Variants in RSPRY1 observed in about 807,000 individuals in gnomAD.
RSPRY1 encodes ring finger and SPRY domain containing 1, also known as RING finger and SPRY domain-containing protein 1.
In RSPRY1, 23 loss-of-function variants were observed where a neutral mutation model predicts 73.1. The ratio of observed to expected loss-of-function variants is 0.31; its 90% CI spans 0.23 to 0.45. RSPRY1 has a LOEUF of 0.45. Ranked by LOEUF, RSPRY1 falls within the 20% of genes least tolerant of loss-of-function variation. RSPRY1 has a pLI of 1.00. For missense variants in RSPRY1, 448 were observed against 698.7 expected (o/e 0.64, Z 4.05); for synonymous variants, 226 against 251.4 (o/e 0.90, Z 0.95).
chr16:57,207,616 C>T (rs1315371774), intron 2 of RSPRY1: 2 of 456,408 alleles, frequency 4.4e-6, no homozygotes, highest in South Asian at 1.5e-5. Flanking sequence ...AATGAAGATG[C>T]GTATATAGGC....
chr16:57,201,214 G>A lies in RSPRY1; in HGVS notation c.-155-3290G>A, dbSNP rs370722558. On this transcript the variant is annotated intron_variant, in intron 1 of 14. Transcript: ENST00000394420. ...TCACTTCTCAGACGGTGTGGCTGCC[G>A]GGCGGAGGGGCTCCTCACTTCTCAG... 7.3e-3 allele frequency among the ~76,000 whole-genome samples: 938 copies of A among 128,146 alleles called. 2 individuals are homozygous for A. The highest frequency in any genetic ancestry group is 0.025 in the East Asian group (82 of 3,244). The allele number at this position is 128,146 out of a possible 152,430, so 84.1% of individuals were successfully genotyped here. A position where few individuals can be genotyped will look rare whatever the true frequency, so the allele number is the denominator to read the frequency against.
rs1240043554 is a variant in RSPRY1 at position 57,189,578 on chromosome 16, TTTTTC to T, written c.-156+3142_-156+3146del. Among the ~76,000 whole-genome samples, 97 of 145,574 alleles carry T rather than the reference TTTTTC, an allele frequency of 6.7e-4. 3 individuals are homozygous for T. Among genetic ancestry groups the T allele is most frequent in the South Asian group, 5.2e-3 (24 of 4,590 alleles). On this transcript the variant is annotated intron_variant, in intron 1 of 14. Transcript: ENST00000394420. ...TGTATTTCTTTTTTTCTGTTTTTTCTTTTTCTTTTCTTTTCTTTTTTTTTTTTTTT... is the reference window on the plus strand; with the variant it reads ...TGTATTTCTTTTTTTCTGTTTTTTCTTTTTCTTTTCTTTTTTTTTTTTTTT...
chr16:57,191,724 G>A (rs2074355455), intron 1 of RSPRY1, among the ~76,000 whole-genome samples: 6 of 152,110 alleles, frequency 3.9e-5, no homozygotes. Flanking sequence ...TATAATGTAA[G>A]ACATAAATGT....
At chr16:57,223,080 C>T (rs1276950489) in intron 10 of RSPRY1, among the ~76,000 whole-genome samples, 1 of 152,178 alleles carries the variant, frequency 6.6e-6, no homozygotes, top group East Asian at 1.9e-4. Flanking sequence ...AGGTGATTCC[C>T]TATTAGAAAT....
chr16:57,216,229 T>A, intron 7 of RSPRY1, 56 bp downstream of exon 7: 1 of 1,314,670 alleles, frequency 7.6e-7, no homozygotes, highest in South Asian at 1.2e-5. Context: ...TTAAAAATTT[T>A]ATTTTTCTTA....
chr16:57,213,397 ATATG>A (rs760479296), intron 5 of RSPRY1, among the ~76,000 whole-genome samples: 4 of 152,232 alleles, frequency 2.6e-5, no homozygotes, highest in Non-Finnish European at 2.9e-5. Context: ...CATAACAAAG[ATATG>A]TATGTGTGTA....
intron 14 of RSPRY1, among the ~76,000 whole-genome samples, chr16:57,237,902 G>A (rs960621373): frequency 5.9e-5 from 9 of 151,868 alleles, no homozygotes; most frequent in African/African-American, 1.9e-4. Context: ...TAGTAGAGAC[G>A]GGGTTTCACC....
intron 8 of RSPRY1, among the ~76,000 whole-genome samples, chr16:57,217,254 C>G (rs2074956800): frequency 6.6e-6 from 1 of 152,142 alleles, no homozygotes; most frequent in Admixed American, 6.5e-5. Flanking sequence ...GTTCAAAAAC[C>G]TTTACTGGCA....
chr16:57,210,832 C>T (rs190509992), intron 4 of RSPRY1, among the ~76,000 whole-genome samples: 23 of 151,606 alleles, frequency 1.5e-4, no homozygotes, highest in Admixed American at 8.5e-4. Context: ...AGCCTGGCAA[C>T]ATGGTGAAAC....
intron 13 of RSPRY1, among the ~76,000 whole-genome samples, chr16:57,234,115 C>G (rs55960976): frequency 0.069 from 10,495 of 152,192 alleles, 407 homozygotes; most frequent in Middle Eastern, 0.095. Flanking sequence ...ATTTCCTACC[C>G]TCTCCCGTTT....
chr16:57,238,600 C>G (rs1385941622), intron 14 of RSPRY1, among the ~76,000 whole-genome samples: 1 of 152,174 alleles, frequency 6.6e-6, no homozygotes, highest in Non-Finnish European at 1.5e-5. Flanking sequence ...AATATTATAT[C>G]CCTACCTATA....
In RSPRY1 at chr16:57,224,720, G is replaced by A. The variant is rs529728442; in HGVS notation, c.1162-2622G>A. Among the ~76,000 whole-genome samples, 4 of 152,360 alleles carry A rather than the reference G, an allele frequency of 2.6e-5. No individual in the cohort carries two copies. The East Asian group carries it at 7.7e-4, about 29-fold the overall frequency. ...GCAGAGGCATCTTCTCCTTAAATCT[G>A]TAGATGCTGCTCTGTAGTTAAAGTT... On this transcript the variant is annotated intron_variant, in intron 10 of 14. Transcript: ENST00000394420.
rs186868064 is a variant in RSPRY1, at chr16:57,226,915, A to T, written c.1162-427A>T. On this transcript the variant is annotated intron_variant, in intron 10 of 14. Coordinates refer to ENST00000394420, the MANE Select transcript of RSPRY1 (RefSeq NM_133368.3). ...ATGCCTCTGACAATCTTGTGCTGAT[A>T]TACAAGTGTACTGACTGATCTTGGA... Among the ~76,000 whole-genome samples the T allele has an allele frequency of 1.3e-3, 203 of 152,336 alleles. 1 individual carries two copies. Among genetic ancestry groups the T allele is most frequent in the Admixed American group, 1.5e-3 (23 of 15,302 alleles).
At chr16:57,229,766 C>T (rs1387373948) in intron 11 of RSPRY1, among the ~76,000 whole-genome samples, 1 of 113,924 alleles carries the variant, frequency 8.8e-6, no homozygotes, top group Admixed American at 1.3e-4. Context: ...AGTGCAGTGG[C>T]GCGATCTCAG....
chr16:57,207,480 G>A (rs2074747947), intron 2 of RSPRY1: 2 of 403,096 alleles, frequency 5.0e-6, no homozygotes, highest in Non-Finnish European at 1.0e-5. Flanking sequence ...ACTGAATTAA[G>A]GTGTATAATG....
At chr16:57,222,610 A>C (rs1195941257) in intron 10 of RSPRY1, among the ~76,000 whole-genome samples, 1 of 152,204 alleles carries the variant, frequency 6.6e-6, no homozygotes, top group Non-Finnish European at 1.5e-5. Context: ...TACAATTTCC[A>C]TTTCACAGAT....
chr16:57,239,047 A>G lies in RSPRY1; in HGVS notation c.*72A>G. On this transcript the variant is annotated 3_prime_UTR_variant, in exon 15 of 15. Coordinates refer to ENST00000394420, the MANE Select transcript of RSPRY1 (RefSeq NM_133368.3). ...AATGTTGAAAAGAAAAAGAAAAAAA[A>G]AACTCTCTAATCAGTTGTACACACA... 1 of 797,772 alleles carries G rather than the reference A, an allele frequency of 1.3e-6. No individual in the cohort carries two copies. Among genetic ancestry groups the G allele is most frequent in the East Asian group, 2.7e-5 (1 of 37,060 alleles). The allele number at this position is 797,772 out of a possible 1,614,324, so 49.4% of individuals were successfully genotyped here.
intron 1 of RSPRY1, among the ~76,000 whole-genome samples, chr16:57,200,810 C>G (rs1212311665): frequency 1.4e-5 from 2 of 144,370 alleles, no homozygotes; most frequent in East Asian, 2.1e-4. Flanking sequence ...CACATCCTTC[C>G]CGGACGGGGC....
At chr16:57,215,069 T>C (rs1201732750) in intron 6 of RSPRY1, among the ~76,000 whole-genome samples, 1 of 149,932 alleles carries the variant, frequency 6.7e-6, no homozygotes, top group Non-Finnish European at 1.5e-5. Flanking sequence ...GTGGTATGGG[T>C]AATGAGAGCC....
Sources: allele counts gnomAD v4.1 joint callset (sites outside exome capture counted in the v4.1 genomes callset), GRCh38; gene constraint gnomAD v4.1.1; transcripts MANE v1.5; gene names NCBI Gene and HGNC (gene_info 2026-07-23, HGNC 2026-07-21).